Variants in MALT1 observed in about 807,000 individuals in gnomAD.
MALT1 encodes mucosa-associated lymphoid tissue lymphoma translocation protein 1.
In MALT1, 36 loss-of-function variants were observed where a neutral mutation model predicts 85.5. The observed-to-expected ratio is 0.42, with a 90% CI of 0.32 to 0.56. The LOEUF (loss-of-function observed/expected upper bound fraction) is 0.56, where lower values mean the gene tolerates loss of function less well. Ranked by LOEUF, MALT1 falls within the 20% of genes least tolerant of loss-of-function variation. MALT1 has a pLI of 0.10. For synonymous variants in MALT1, 359 were observed against 361.3 expected (o/e 0.99, Z 0.07); for missense variants, 716 against 981.6 (o/e 0.73, Z 3.62).
At chr18:58,733,768 T>G in intron 11 of MALT1, 194 bp downstream of exon 11, 1 of 741,614 alleles carries the variant, frequency 1.3e-6, no homozygotes, top group Non-Finnish European at 2.0e-6. Flanking sequence ...TCATATTTGC[T>G]ATAGAACACA....
At chr18:58,721,898 GGTGGC>G (rs1171259342) in intron 9 of MALT1, among the ~76,000 whole-genome samples, 2 of 152,166 alleles carry the variant, frequency 1.3e-5, no homozygotes, top group African/African-American at 4.8e-5. Context: ...CGTCAGAGGG[GGTGGC>G]CTGCAGTTCT....
At chr18:58,734,915 A>G (rs985989569) in intron 12 of MALT1, among the ~76,000 whole-genome samples, 2 of 152,240 alleles carry the variant, frequency 1.3e-5, no homozygotes, top group African/African-American at 4.8e-5. Flanking sequence ...TTATAATTGT[A>G]TGTATTTATG....
At chr18:58,700,411 C>G in intron 3 of MALT1, 30 bp from the exon 4 acceptor site, 1 of 1,549,406 alleles carries the variant, frequency 6.5e-7, no homozygotes, top group Non-Finnish European at 8.7e-7. Context: ...TTTGATGAGT[C>G]ATCCACTTCT....
At chr18:58,736,651 T>C (rs1253068386) in intron 13 of MALT1, among the ~76,000 whole-genome samples, 1 of 152,246 alleles carries the variant, frequency 6.6e-6, no homozygotes, top group African/African-American at 2.4e-5. Context: ...GGCATCCCGA[T>C]ATGTGCTGTG....
intron 9 of MALT1, among the ~76,000 whole-genome samples, 172 bp from the exon 10 acceptor site, chr18:58,722,876 G>A (rs2055003073): frequency 6.6e-6 from 1 of 152,122 alleles, no homozygotes; most frequent in Non-Finnish European, 1.5e-5. Context: ...GTTCCTCAGA[G>A]AATATTGATC....
intron 2 of MALT1, among the ~76,000 whole-genome samples, chr18:58,692,458 C>CTG (rs2054525414): frequency 6.9e-6 from 1 of 144,738 alleles, no homozygotes; most frequent in African/African-American, 2.6e-5. Context: ...CCCTCCCTCC[C>CTG]TCCCTCCCTG....
chr18:58,735,145 AG>A, intron 12 of MALT1, 56 bp from the exon 13 acceptor site: 1 of 1,442,220 alleles, frequency 6.9e-7, no homozygotes, highest in East Asian at 2.3e-5. Context: ...CATATAAGTG[AG>A]AACATACAGT....
rs1474173309 is a variant in MALT1, at chr18:58,752,145, T to A, written c.*4303T>A. 2.0e-5 allele frequency: 3 copies of A among 152,202 alleles called. No individual in the cohort carries two copies. The highest frequency in any genetic ancestry group is 4.4e-5 in the Non-Finnish European group (3 of 68,044). The allele number at this position is 152,202 out of a possible 1,614,324, so 9.4% of individuals were successfully genotyped here. On this transcript the variant is annotated 3_prime_UTR_variant, in exon 17 of 17. Coordinates refer to ENST00000649217, the MANE Select transcript of MALT1 (RefSeq NM_006785.4). Reference sequence around the variant, plus strand: ...GAGCTTAGATCACTGACATGTATACTGGCATAAGCTTTTTTTTGTTTGTTT... The same window carrying A: ...GAGCTTAGATCACTGACATGTATACAGGCATAAGCTTTTTTTTGTTTGTTT...
At chr18:58,688,636 A>T (rs9964749) in intron 2 of MALT1, among the ~76,000 whole-genome samples, 1 of 151,574 alleles carries the variant, frequency 6.6e-6, no homozygotes, top group Non-Finnish European at 1.5e-5. Flanking sequence ...TGGCCATATG[A>T]TCCCTTTCCA....
At chr18:58,745,832 T>C (rs199639150) in intron 16 of MALT1, 41 bp downstream of exon 16, 60 of 1,581,594 alleles carry the variant, frequency 3.8e-5, no homozygotes, top group Middle Eastern at 1.7e-4. Flanking sequence ...TGGAAAACTT[T>C]ATGAAACTGG....
intron 16 of MALT1, among the ~76,000 whole-genome samples, chr18:58,746,102 C>T (rs1043187484): frequency 6.6e-6 from 1 of 152,170 alleles, no homozygotes; most frequent in Admixed American, 6.5e-5. Flanking sequence ...ACTATAACCT[C>T]AAACTCCTCA....
At chr18:58,711,939 C>G (rs1005612880) in intron 7 of MALT1, among the ~76,000 whole-genome samples, 1 of 152,174 alleles carries the variant, frequency 6.6e-6, no homozygotes, top group African/African-American at 2.4e-5. Flanking sequence ...TCGAACTCCT[C>G]TTCCTCTCCT....
chr18:58,705,221 C>T (rs1274681111), intron 4 of MALT1, among the ~76,000 whole-genome samples: 1 of 151,618 alleles, frequency 6.6e-6, no homozygotes, highest in Non-Finnish European at 1.5e-5. Context: ...TTCATTGTGC[C>T]CCCCATTGTA....
At chr18:58,719,641 A>C (rs1278828022) in intron 9 of MALT1, among the ~76,000 whole-genome samples, 3 of 152,194 alleles carry the variant, frequency 2.0e-5, no homozygotes, top group South Asian at 2.1e-4. Context: ...ACTGTACTAC[A>C]CAAGGGCAAG....
At chr18:58,706,346 G>T (rs901488615) in intron 4 of MALT1, among the ~76,000 whole-genome samples, 16 of 152,102 alleles carry the variant, frequency 1.1e-4, no homozygotes, top group Non-Finnish European at 2.4e-4. Context: ...TAGTAGAGAT[G>T]GCTTTTCACC....
chr18:58,703,570 ACAT>A (rs1161326437), intron 4 of MALT1, among the ~76,000 whole-genome samples: 3 of 152,176 alleles, frequency 2.0e-5, no homozygotes, highest in African/African-American at 7.2e-5. Context: ...GGCATGTCTT[ACAT>A]GGTGGCAGGA....
intron 10 of MALT1, among the ~76,000 whole-genome samples, chr18:58,725,440 T>C (rs575824602): frequency 1.3e-5 from 2 of 152,288 alleles, no homozygotes; most frequent in East Asian, 3.9e-4. Context: ...AAAAAAAATC[T>C]GAAACACTTC....
At chr18:58,709,612 C>G in intron 5 of MALT1, 56 bp downstream of exon 5, 1 of 1,369,290 alleles carries the variant, frequency 7.3e-7, no homozygotes, top group Non-Finnish European at 1.0e-6. Flanking sequence ...ACAAATGGTA[C>G]AATTGAAATA....
At chr18:58,746,895 T>C (rs2055375218) in intron 16 of MALT1, among the ~76,000 whole-genome samples, 1 of 152,048 alleles carries the variant, frequency 6.6e-6, no homozygotes, top group Non-Finnish European at 1.5e-5. Context: ...GCCCAGTTAA[T>C]TTTTTGTATT....
Sources: gnomAD v4.1 joint callset for allele counts (sites outside exome capture counted in the v4.1 genomes callset) on GRCh38, gnomAD v4.1.1 for gene constraint, MANE v1.5 for transcripts, NCBI Gene and HGNC (gene_info 2026-07-23, HGNC 2026-07-21) for gene names.